NTF3: variants seen among roughly 807,000 people sequenced by gnomAD.
The protein encoded by NTF3 is neurotrophin 3.
In NTF3, 8 loss-of-function variants were observed where a neutral mutation model predicts 26.3. That is an observed-to-expected ratio of 0.30 (90% confidence interval 0.18 to 0.55). The LOEUF (loss-of-function observed/expected upper bound fraction) is 0.55. NTF3 is among the 20% of genes least tolerant of loss of function. The pLI, the probability that NTF3 is intolerant of heterozygous loss-of-function variation, is 0.93. For synonymous variants in NTF3, 154 were observed against 145.5 expected (o/e 1.06, Z -0.42); for missense variants, 276 against 352.9 (o/e 0.78, Z 1.75).
chr12:5,467,265 T>TAAAAAAAAAAAA (rs1940604144), intron 1 of NTF3, among the ~76,000 whole-genome samples: 1 of 62,142 alleles, frequency 1.6e-5, no homozygotes, highest in African/African-American at 7.2e-5. Context: ...AAAAAAAAAG[T>TAAAAAAAAAAAA]CGGGGGCTTG....
At chr12:5,475,085 T>C (rs1427884468) in intron 1 of NTF3, among the ~76,000 whole-genome samples, 1 of 151,534 alleles carries the variant, frequency 6.6e-6, no homozygotes. Flanking sequence ...GGTCTGTGCC[T>C]GGAGATGTGA....
At chr12:5,432,428 G>A (rs1940103663) in intron 1 of NTF3, 86 bp downstream of exon 1, 3 of 1,477,244 alleles carry the variant, frequency 2.0e-6, no homozygotes, top group South Asian at 2.3e-5. Context: ...GACTGGTGCG[G>A]GGGGCCCCAG....
intron 1 of NTF3, among the ~76,000 whole-genome samples, chr12:5,440,031 C>T (rs1012474578): frequency 6.6e-6 from 1 of 152,144 alleles, no homozygotes; most frequent in Non-Finnish European, 1.5e-5. Flanking sequence ...CTGGGCAGTA[C>T]CAGAAATAGA....
chr12:5,432,912 T>TGCCG (rs1940115272), intron 1 of NTF3, among the ~76,000 whole-genome samples: 1 of 152,098 alleles, frequency 6.6e-6, no homozygotes, highest in South Asian at 2.1e-4. Flanking sequence ...CCCTGCACTC[T>TGCCG]GCCGGCCGCT....
chr12:5,430,907 C>T (rs970137491), upstream of NTF3, among the ~76,000 whole-genome samples: 7 of 151,886 alleles, frequency 4.6e-5, no homozygotes, highest in Non-Finnish European at 8.8e-5. Context: ...AGGTCCACCA[C>T]GCAAGGACTC....
intron 1 of NTF3, among the ~76,000 whole-genome samples, chr12:5,441,883 G>A (rs993172776): frequency 1.3e-5 from 2 of 152,214 alleles, no homozygotes; most frequent in African/African-American, 2.4e-5. Flanking sequence ...CCCTTTTAGA[G>A]ACCTTTCTTC....
intron 1 of NTF3, among the ~76,000 whole-genome samples, chr12:5,444,293 CTG>C (rs1295603862): frequency 1.3e-5 from 2 of 152,172 alleles, no homozygotes; most frequent in Non-Finnish European, 2.9e-5. Context: ...ATGCTGATGT[CTG>C]TGACTGTTGT....
rs936501196 is a variant in NTF3 at position 5,456,612 on chromosome 12, C to G, written c.18+24270C>G. On this transcript the variant is annotated intron_variant, in intron 1 of 1. Coordinates refer to ENST00000423158, the MANE Select transcript of NTF3 (RefSeq NM_001102654.2). The surrounding 1 kb of genome is among the most constrained non-coding windows in gnomAD (Gnocchi z 4.4). The stretch of plus-strand genomic sequence containing the variant: ...AGCTCTGGGGGTCCTCTTCCACCCC[C>G]ACCCCCACCCCCAGCCCCTGGAGCA... Among the ~76,000 whole-genome samples, 1 of 152,086 alleles carries G rather than the reference C, an allele frequency of 6.6e-6. No individual in the cohort carries two copies. Among genetic ancestry groups the G allele is most frequent in the African/African-American group, 2.4e-5 (1 of 41,374 alleles).
chr12:5,459,095 C>G (rs1940492380), intron 1 of NTF3, among the ~76,000 whole-genome samples: 1 of 152,222 alleles, frequency 6.6e-6, no homozygotes. Flanking sequence ...CTTTCTGTCT[C>G]CATTTTTCCC....
At chr12:5,459,436 C>A (rs1354342416) in intron 1 of NTF3, among the ~76,000 whole-genome samples, 1 of 152,216 alleles carries the variant, frequency 6.6e-6, no homozygotes, top group Non-Finnish European at 1.5e-5. Flanking sequence ...TGCTCCCCTG[C>A]TAGAGTGACA....
At chr12:5,449,136 G>A (rs993828999) in intron 1 of NTF3, among the ~76,000 whole-genome samples, 8 of 152,162 alleles carry the variant, frequency 5.3e-5, no homozygotes, top group African/African-American at 1.7e-4. Context: ...GATGATTGAG[G>A]AGAGCCCTGG....
chr12:5,432,317 C>T lies in NTF3; in HGVS notation c.-8C>T, dbSNP rs767202949. The T allele has an allele frequency of 2.0e-5, 32 of 1,611,324 alleles. No homozygotes were observed. In the East Asian group the frequency reaches 5.8e-4, roughly 29 times the overall value. On this transcript the variant is annotated 5_prime_UTR_variant, in exon 1 of 2. It adds an upstream start codon to the 5' untranslated region. Transcript: ENST00000423158. ...GTCGACGTCCCTGGAAACGGCCACA[C>T]GGATGCCATGGTTACTTTTGCCACG...
chr12:5,446,508 T>C (rs1940307597), intron 1 of NTF3, among the ~76,000 whole-genome samples: 1 of 152,190 alleles, frequency 6.6e-6, no homozygotes, highest in African/African-American at 2.4e-5. Flanking sequence ...CCTGAGGACA[T>C]GCTTTAACCA....
chr12:5,444,805 G>A (rs996849724), intron 1 of NTF3, among the ~76,000 whole-genome samples: 2 of 152,194 alleles, frequency 1.3e-5, no homozygotes, highest in Non-Finnish European at 2.9e-5. Flanking sequence ...ATGGCTGATG[G>A]TTGGATTGAT....
chr12:5,490,013 C>T (rs1245521026), intron 1 of NTF3, among the ~76,000 whole-genome samples: 1 of 152,164 alleles, frequency 6.6e-6, no homozygotes, highest in Non-Finnish European at 1.5e-5. Flanking sequence ...ATCGCACATG[C>T]ACGTCGGTCA....
chr12:5,469,462 AGGGGCCCAGGTCACAATCATGGGGCC>A (rs1386476598), intron 1 of NTF3, among the ~76,000 whole-genome samples: 2 of 152,152 alleles, frequency 1.3e-5, no homozygotes, highest in African/African-American at 2.4e-5. Flanking sequence ...AGGCATCTTT[AGGGGCCCAGGTCACAATCATGGGGCC>A]GGTGGACAGT....
At chr12:5,463,787 T>G (rs1346453786) in intron 1 of NTF3, among the ~76,000 whole-genome samples, 2 of 152,206 alleles carry the variant, frequency 1.3e-5, no homozygotes, top group Non-Finnish European at 2.9e-5. Flanking sequence ...CTTCTTTCCA[T>G]TATACCACAC....
intron 1 of NTF3, among the ~76,000 whole-genome samples, chr12:5,448,614 G>A (rs1011670068): frequency 2.6e-5 from 4 of 152,154 alleles, no homozygotes; most frequent in African/African-American, 7.2e-5. Flanking sequence ...ATTGTTTTGG[G>A]AGTAGGGCTG....
At chr12:5,438,229 T>C (rs1940197079) in intron 1 of NTF3, among the ~76,000 whole-genome samples, 1 of 152,060 alleles carries the variant, frequency 6.6e-6, no homozygotes, top group African/African-American at 2.4e-5. Context: ...CCCCAGAGCG[T>C]TAAAGTATTT....
Sources: gnomAD v4.1 joint callset for allele counts (sites outside exome capture counted in the v4.1 genomes callset) on GRCh38, gnomAD v4.1.1 for gene constraint, Gnocchi (gnomAD v3.1) non-coding constraint, MANE v1.5 for transcripts, NCBI Gene and HGNC (gene_info 2026-07-23, HGNC 2026-07-21) for gene names.